The following FYCO1 variants were observed in gnomAD, a reference collection of about 807,000 sequenced individuals.
The protein encoded by FYCO1 is FYVE and coiled-coil domain autophagy adaptor 1.
In FYCO1, 122 loss-of-function variants were observed where a neutral mutation model predicts 165.1. The ratio of observed to expected loss-of-function variants is 0.74; its 90% CI spans 0.64 to 0.86. The LOEUF is 0.86. Ranked by LOEUF, FYCO1 falls within the 40% of genes least tolerant of loss-of-function variation. The probability of loss-of-function intolerance (pLI) is 0.00; values close to 1 mark genes in which losing one functional copy is unlikely to be tolerated. For missense variants in FYCO1, 1,702 were observed against 1,810.3 expected (o/e 0.94, Z 1.09); for synonymous variants, 648 against 742.5 (o/e 0.87, Z 2.07).
intron 15 of FYCO1, among the ~76,000 whole-genome samples, chr3:45,935,246 C>T (rs970809164): frequency 6.6e-6 from 1 of 152,206 alleles, no homozygotes; most frequent in Non-Finnish European, 1.5e-5. Flanking sequence ...CTGGTCTCCC[C>T]ACTTTGGCTC....
chr3:45,992,116 G>A (rs1707588439), intron 1 of FYCO1, among the ~76,000 whole-genome samples: 1 of 152,214 alleles, frequency 6.6e-6, no homozygotes, highest in Admixed American at 6.5e-5. Context: ...CATTTCTGCT[G>A]CTTAAGCCAC....
intron 16 of FYCO1, 34 bp downstream of exon 16, chr3:45,931,037 G>A (rs752206094): frequency 3.1e-6 from 5 of 1,598,810 alleles, no homozygotes; most frequent in Admixed American, 1.7e-5. Context: ...AGATGTGTGT[G>A]TAAGGAGCCC....
chr3:45,985,067 C>A lies in FYCO1; in HGVS notation c.-112-45G>T, dbSNP rs545662700. On this transcript the variant is annotated intron_variant, in intron 1 of 17. Coordinates refer to ENST00000296137, the MANE Select transcript of FYCO1 (RefSeq NM_024513.4). ...GCCATGGAGGAAGCAGATACAGACA[C>A]AATTTAACGACAATATTAGAGAACT... 12 of 742,358 alleles carry A rather than the reference C, an allele frequency of 1.6e-5. No individual in the cohort carries two copies. In the South Asian group the frequency reaches 1.7e-4, roughly 11 times the overall value. 46.0% of individuals were successfully genotyped at this position (742,358 alleles called of 1,614,324 possible).
In FYCO1 at chr3:45,981,810, A is replaced by G. The variant is rs1183020116; in HGVS notation, c.56-134T>C. 4.3e-6 allele frequency: 3 copies of G among 702,640 alleles called. No individual in the cohort carries two copies. The Admixed American group carries it at 6.0e-5, about 14-fold the overall frequency. The allele number at this position is 702,640 out of a possible 1,614,324, so 43.5% of individuals were successfully genotyped here. ...CCTCTGAAACATAAAAGGGTATGTA[A>G]GTATCCATGAGATATAACTCCAAGT... On this transcript the variant is annotated intron_variant, in intron 2 of 17. Transcript: ENST00000296137.
At chr3:45,961,208 T>G (rs1317443083) in intron 11 of FYCO1, among the ~76,000 whole-genome samples, 1 of 152,208 alleles carries the variant, frequency 6.6e-6, no homozygotes, top group African/African-American at 2.4e-5. Flanking sequence ...AATTTGAAAC[T>G]GACTAGACAC....
Position 45,947,351 on chromosome 3 carries a change from T to A in FYCO1, c.3944+7898A>T, listed in dbSNP as rs563024842. ...GCCTTAACCCTGTGCTCTATGCCTT[T>A]GTCAGCCTGAAGTTTCGAAAGAACT... is the stretch of plus-strand genomic sequence containing the variant. On this transcript the variant is annotated intron_variant, in intron 14 of 17. Transcript: ENST00000296137. 4.3e-6 allele frequency: 7 copies of A among 1,614,234 alleles called. No homozygotes were observed. The South Asian group carries it at 7.7e-5, about 18-fold the overall frequency.
At chr3:45,937,047 C>T (rs372471899) in intron 14 of FYCO1, among the ~76,000 whole-genome samples, 1 of 152,182 alleles carries the variant, frequency 6.6e-6, no homozygotes, top group East Asian at 1.9e-4. Flanking sequence ...CTGCACTTCA[C>T]TGATGGGGAC....
At position 45,962,672 on chromosome 3, in the gene FYCO1, T is replaced by C. The variant is rs917403924; in HGVS notation, c.3270-280A>G. ...CACCCCTTGGCTCCTGGACAGGGGC[T>C]GGGCTTGCAAGAGAAGCCTGATAGG... is the stretch of plus-strand genomic sequence containing the variant. On this transcript the variant is annotated intron_variant, in intron 10 of 17. Coordinates refer to ENST00000296137, the MANE Select transcript of FYCO1 (RefSeq NM_024513.4). The surrounding 1 kb of genome is among the most constrained non-coding windows in gnomAD (Gnocchi z 4.4). Among the ~76,000 whole-genome samples, 1 of 152,190 alleles carries C rather than the reference T, an allele frequency of 6.6e-6. No homozygotes were observed. Among genetic ancestry groups the C allele is most frequent in the Admixed American group, 6.5e-5 (1 of 15,284 alleles).
chr3:45,974,950 A>G (rs1161731798), intron 5 of FYCO1, among the ~76,000 whole-genome samples: 2 of 152,162 alleles, frequency 1.3e-5, no homozygotes, highest in African/African-American at 4.8e-5. Context: ...CATGCCATCC[A>G]CCAGGGAAAA....
intron 15 of FYCO1, among the ~76,000 whole-genome samples, chr3:45,931,599 C>G (rs1014290379): frequency 6.6e-6 from 1 of 152,246 alleles, no homozygotes; most frequent in Non-Finnish European, 1.5e-5. Flanking sequence ...ACCTGCTCCA[C>G]GGCCCTCATG....
At chr3:45,929,752 G>A (rs1703500089) in intron 16 of FYCO1, among the ~76,000 whole-genome samples, 1 of 152,178 alleles carries the variant, frequency 6.6e-6, no homozygotes, top group African/African-American at 2.4e-5. Context: ...AATAAACAAG[G>A]CCAACCCAAG....
rs528755175 is a variant in FYCO1 at position 45,931,211 on chromosome 3, A to G, written c.4111T>C (p.Ser1371Pro). ...ATGGGGATCAGGCTGTAGGTGCTGG[A>G]CCTCACAAACAGCTCCCTGCTACCC... ...GEGSRELFVR[S>P]STYSLIPITV... Residue 1371 changes from serine to proline, a missense_variant, in exon 16 of 18, where the codon TCC (serine) becomes CCC (proline). Coordinates refer to ENST00000296137, the MANE Select transcript of FYCO1 (RefSeq NM_024513.4). 1.9e-6 allele frequency: 3 copies of G among 1,614,022 alleles called. No individual in the cohort carries two copies. Among genetic ancestry groups the G allele is most frequent in the African/African-American group, 2.7e-5 (2 of 75,012 alleles).
chr3:45,964,937 G>T lies in FYCO1; in HGVS notation c.3150+96C>A. ...GGTGAACTGAGGACGGCTTCAGCTT[G>T]GGAATCTGGAGGCATGCAGGGAGCC... On this transcript the variant is annotated intron_variant, in intron 9 of 17. Coordinates refer to ENST00000296137, the MANE Select transcript of FYCO1 (RefSeq NM_024513.4). The surrounding 1 kb of genome is among the most constrained non-coding windows in gnomAD (Gnocchi z 4.1). 2 of 961,832 alleles carry T rather than the reference G, an allele frequency of 2.1e-6. No individual in the cohort carries two copies. Among genetic ancestry groups the T allele is most frequent in the Non-Finnish European group, 3.3e-6 (2 of 604,726 alleles). 59.6% of individuals were successfully genotyped at this position (961,832 alleles called of 1,614,324 possible). A position where few individuals can be genotyped will look rare whatever the true frequency, so the allele number is the denominator to read the frequency against.
chr3:45,969,646 A>G (rs747947212), intron 7 of FYCO1, 29 bp downstream of exon 7: 2 of 1,570,084 alleles, frequency 1.3e-6, no homozygotes, highest in Non-Finnish European at 1.8e-6. Context: ...AAGCTATAGG[A>G]AGATAATTCC....
chr3:45,968,820 G>T (rs1706264639), intron 7 of FYCO1, 117 bp from the exon 8 acceptor site: 1 of 1,213,880 alleles, frequency 8.2e-7, no homozygotes, highest in Non-Finnish European at 1.2e-6. Context: ...CTGCCCTAAG[G>T]TTAGTCTAAA....
intron 14 of FYCO1, chr3:45,938,186 G>A (rs1381606967): frequency 1.9e-5 from 25 of 1,286,004 alleles, no homozygotes; most frequent in East Asian, 1.1e-4. Flanking sequence ...GACAGACAAC[G>A]CCTGATTACC....
intron 14 of FYCO1, chr3:45,945,201 T>C (rs972079991): frequency 6.6e-6 from 1 of 152,248 alleles, no homozygotes; most frequent in Non-Finnish European, 1.5e-5. Context: ...ATCGTTTATA[T>C]GCACTTGTCT....
At chr3:45,946,889 G>A in intron 14 of FYCO1, 1 of 1,614,248 alleles carries the variant, frequency 6.2e-7, no homozygotes, top group South Asian at 1.1e-5. Context: ...AGGCCACCAA[G>A]GCCTACAACC....
At chr3:45,976,694 T>C (rs998941842) in intron 4 of FYCO1, among the ~76,000 whole-genome samples, 3 of 152,246 alleles carry the variant, frequency 2.0e-5, no homozygotes, top group Non-Finnish European at 4.4e-5. Flanking sequence ...TCAGGAAATA[T>C]TGGCATTAAA....
Sources: gnomAD v4.1 joint callset for allele counts (sites outside exome capture counted in the v4.1 genomes callset) on GRCh38, gnomAD v4.1.1 for gene constraint, Gnocchi (gnomAD v3.1) non-coding constraint, MANE v1.5 for transcripts, NCBI Gene and HGNC (gene_info 2026-07-23, HGNC 2026-07-21) for gene names.